STT3B: variants seen among roughly 807,000 people sequenced by gnomAD.
STT3B encodes the protein STT3 oligosaccharyltransferase complex catalytic subunit B.
STT3B carries 29 observed loss-of-function variants against 96.8 expected under a neutral mutation model. That is an observed-to-expected ratio of 0.30 (90% CI 0.22 to 0.41). The LOEUF (loss-of-function observed/expected upper bound fraction) is 0.41. Among genes scored for constraint, STT3B ranks in the 10% least tolerant of loss-of-function variants. STT3B has a pLI of 1.00. For missense variants in STT3B, 640 were observed against 1,022.3 expected, an observed-to-expected ratio of 0.63 and a Z score of 5.10; for synonymous variants, 367 against 360.0, an observed-to-expected ratio of 1.02 and a Z score of -0.22.
intron 1 of STT3B, among the ~76,000 whole-genome samples, chr3:31,569,984 T>C (rs1698100394): frequency 6.6e-6 from 1 of 152,078 alleles, no homozygotes; most frequent in African/African-American, 2.4e-5. Context: ...TTATGGAAAA[T>C]TTCAAACATA....
chr3:31,546,288 A>G (rs552621542), intron 1 of STT3B, among the ~76,000 whole-genome samples: 26 of 146,826 alleles, frequency 1.8e-4, no homozygotes, highest in Non-Finnish European at 3.5e-4. Context: ...AGGTGCTGAG[A>G]TGATTGTAGT....
rs115374322 is a variant in STT3B, at chr3:31,537,573, C to T, written c.314+4261C>T. Reference sequence around the variant, plus strand: ...TAGATTTCATGATGTATAGGCCCTACGGTAGTTAGGGTCTGTCATGAATGC... The same window carrying T: ...TAGATTTCATGATGTATAGGCCCTATGGTAGTTAGGGTCTGTCATGAATGC... On this transcript the variant is annotated intron_variant, in intron 1 of 15. Transcript: ENST00000295770. Among the ~76,000 whole-genome samples the T allele has an allele frequency of 5.3e-3, 805 of 152,270 alleles. 10 individuals are homozygous for T. Among genetic ancestry groups the T allele is most frequent in the Non-Finnish European group, 9.2e-3 (624 of 68,000 alleles).
chr3:31,573,304 T>A (rs1471598028), intron 1 of STT3B, among the ~76,000 whole-genome samples: 1 of 152,174 alleles, frequency 6.6e-6, no homozygotes, highest in African/African-American at 2.4e-5. Context: ...TATGATCACA[T>A]TTACATTTTG....
At chr3:31,575,331 A>G (rs1698240997) in intron 1 of STT3B, among the ~76,000 whole-genome samples, 1 of 152,026 alleles carries the variant, frequency 6.6e-6, no homozygotes, top group Non-Finnish European at 1.5e-5. Context: ...ACTCTTTCAG[A>G]GTTAATATAA....
chr3:31,597,377 C>CT (rs1366954172), intron 4 of STT3B, among the ~76,000 whole-genome samples: 2 of 151,750 alleles, frequency 1.3e-5, no homozygotes, highest in Non-Finnish European at 2.9e-5. Flanking sequence ...CCAGGCTGGT[C>CT]TTGTACACCT....
chr3:31,611,516 T>C lies in STT3B; in HGVS notation c.878-3589T>C, dbSNP rs563436050. On this transcript the variant is annotated intron_variant, in intron 5 of 15. Coordinates refer to ENST00000295770, the MANE Select transcript of STT3B (RefSeq NM_178862.3). ...GGAGATTGTGTTTCTTTATTTATTT[T>C]GAGATGGAGTTTCGCTTTTGTTGCC... Among the ~76,000 whole-genome samples, 3 of 152,328 alleles carry C rather than the reference T, an allele frequency of 2.0e-5. No individual in the cohort carries two copies. The East Asian group carries it at 5.8e-4, about 29-fold the overall frequency.
intron 1 of STT3B, among the ~76,000 whole-genome samples, chr3:31,574,035 T>C (rs557418606): frequency 6.6e-6 from 1 of 152,176 alleles, no homozygotes; most frequent in East Asian, 1.9e-4. Flanking sequence ...AGGAAAACTT[T>C]ATGAGGTTGG....
intron 6 of STT3B, among the ~76,000 whole-genome samples, chr3:31,615,751 A>G (rs531296569): frequency 6.6e-6 from 1 of 152,038 alleles, no homozygotes; most frequent in Non-Finnish European, 1.5e-5. Flanking sequence ...AACATTTCCT[A>G]AACTCTAAAT....
chr3:31,578,879 C>T (rs1021237240), intron 2 of STT3B, among the ~76,000 whole-genome samples: 3 of 151,882 alleles, frequency 2.0e-5, no homozygotes, highest in African/African-American at 7.3e-5. Context: ...GGAGAAAAAG[C>T]AAGAGAGTTA....
chr3:31,611,306 ATTT>A (rs1238388545), intron 5 of STT3B, among the ~76,000 whole-genome samples: 2 of 152,142 alleles, frequency 1.3e-5, no homozygotes, highest in Non-Finnish European at 2.9e-5. Context: ...TACATCTCTG[ATTT>A]TTAGCAATTT....
chr3:31,625,090 G>T lies in STT3B; in HGVS notation c.1899+5G>T. On this transcript the variant is annotated splice_donor_5th_base_variant and intron_variant, in intron 12 of 15. Transcript: ENST00000295770. ...AATAACAGCCACATAGCACTGGTAAGGATTTACTAAATACAAGGTTAAAAA... is the reference window on the plus strand; with the variant it reads ...AATAACAGCCACATAGCACTGGTAATGATTTACTAAATACAAGGTTAAAAA... 6.2e-7 allele frequency: 1 copy of T among 1,605,216 alleles called. No individual in the cohort carries two copies. The highest frequency in any genetic ancestry group is 1.1e-5 in the South Asian group (1 of 89,738).
chr3:31,609,482 A>G (rs1172592350), intron 5 of STT3B, among the ~76,000 whole-genome samples: 5 of 152,210 alleles, frequency 3.3e-5, no homozygotes, highest in Non-Finnish European at 7.4e-5. Flanking sequence ...AATTAAATGA[A>G]TTGTTCCCAC....
intron 1 of STT3B, among the ~76,000 whole-genome samples, chr3:31,543,117 C>G (rs1159376521): frequency 6.6e-6 from 1 of 150,398 alleles, no homozygotes; most frequent in Non-Finnish European, 1.5e-5. Flanking sequence ...CTACTTCTCT[C>G]AGAAATCACA....
chr3:31,541,266 A>G (rs1697257641), intron 1 of STT3B, among the ~76,000 whole-genome samples: 1 of 152,206 alleles, frequency 6.6e-6, no homozygotes, highest in Non-Finnish European at 1.5e-5. Flanking sequence ...ACTATTACCC[A>G]GATCAAGATC....
intron 1 of STT3B, among the ~76,000 whole-genome samples, chr3:31,568,149 A>AC (rs1483377105): frequency 2.0e-5 from 3 of 151,926 alleles, no homozygotes; most frequent in African/African-American, 7.3e-5. Context: ...TAACATAATG[A>AC]CCTCTCCAGT....
At chr3:31,632,846 G>T in intron 14 of STT3B, 89 bp from the exon 15 acceptor site, 1 of 1,085,598 alleles carries the variant, frequency 9.2e-7, no homozygotes, top group Non-Finnish European at 1.4e-6. Context: ...AAAGGGAGAA[G>T]GTATTACTGT....
chr3:31,626,904 G>A (rs192286227), intron 13 of STT3B, among the ~76,000 whole-genome samples: 1 of 152,058 alleles, frequency 6.6e-6, no homozygotes, highest in Non-Finnish European at 1.5e-5. Flanking sequence ...CTGGTGTCTT[G>A]TTCTTCTGCC....
chr3:31,615,742 A>G lies in STT3B; in HGVS notation c.976+539A>G, dbSNP rs1161483261. ...CCTGTCTTTACACGTATGCATTACA[A>G]CATTTCCTAAACTCTAAATCTTTGA... On this transcript the variant is annotated intron_variant, in intron 6 of 15. Transcript: ENST00000295770. Among the ~76,000 whole-genome samples the G allele has an allele frequency of 5.3e-5, 8 of 151,910 alleles. No individual in the cohort carries two copies. The East Asian group carries it at 1.3e-3, about 26-fold the overall frequency.
intron 1 of STT3B, among the ~76,000 whole-genome samples, chr3:31,555,982 A>G (rs116764639): frequency 6.6e-6 from 1 of 152,162 alleles, no homozygotes; most frequent in African/African-American, 2.4e-5. Flanking sequence ...GCTATACAAC[A>G]TTAGAATTTA....
Sources: allele counts gnomAD v4.1 joint callset (sites outside exome capture counted in the v4.1 genomes callset), GRCh38; gene constraint gnomAD v4.1.1; transcripts MANE v1.5; gene names NCBI Gene and HGNC (gene_info 2026-07-23, HGNC 2026-07-21).